HACD1: variants seen among roughly 807,000 people sequenced by gnomAD.
HACD1 encodes the protein very-long-chain (3R)-3-hydroxyacyl-CoA dehydratase 1.
Under a neutral mutation model 32.0 loss-of-function variants are expected in HACD1, and 41 were observed. The observed-to-expected ratio is 1.28, with a 90% CI of 1.00 to 1.66. HACD1 has a LOEUF of 1.66. Ranked by LOEUF, HACD1 falls within the 40% of genes most tolerant of loss-of-function variation. HACD1 has a pLI of 0.00. For synonymous variants in HACD1, 142 were observed against 139.0 expected (o/e 1.02, Z -0.15); for missense variants, 396 against 380.1 (o/e 1.04, Z -0.35).
rs995261814 is a variant in HACD1 at position 17,616,957 on chromosome 10, C to T, written c.257+126G>A. 20 of 1,088,884 alleles carry T rather than the reference C, an allele frequency of 1.8e-5. No individual in the cohort carries two copies. The African/African-American group carries it at 3.0e-4, about 16-fold the overall frequency. The allele number at this position is 1,088,884 out of a possible 1,614,324, so 67.5% of individuals were successfully genotyped here. A position where few individuals can be genotyped will look rare whatever the true frequency, so the allele number is the denominator to read the frequency against. On this transcript the variant is annotated intron_variant, in intron 1 of 6. Coordinates refer to ENST00000361271, the MANE Select transcript of HACD1 (RefSeq NM_014241.4). The stretch of plus-strand genomic sequence containing the variant: ...CCCGGCGGTGGCCGCGGCGACAGCT[C>T]CCTTCCCCCACGGCCGCTGCCCGCA...
chr10:17,611,121 C>A (rs1834229291), intron 1 of HACD1, among the ~76,000 whole-genome samples: 1 of 151,282 alleles, frequency 6.6e-6, no homozygotes, highest in Non-Finnish European at 1.5e-5. Flanking sequence ...CTGCCTCAGT[C>A]TCCCGAGTAG....
chr10:17,594,351 C>A lies in HACD1; in HGVS notation c.638G>T (p.Gly213Val). 1 of 1,547,580 alleles carries A rather than the reference C, an allele frequency of 6.5e-7. No individual in the cohort carries two copies. The highest frequency in any genetic ancestry group is 8.7e-7 in the Non-Finnish European group (1 of 1,147,718). ...YNFFIILYPV[G>V]VAGELLTIYA... The stretch of plus-strand genomic sequence containing the variant: ...TATTGTAAGAAGTTCACCAGCAACT[C>A]CAACAGGATATAAGATGATAAAAAA... The change falls in exon 6 of 7, where the codon GGA becomes GTA. Residue 213 changes from glycine (G) to valine (V), a missense_variant. By Grantham distance (109) the Gly-to-Val change is moderately radical. Coordinates refer to ENST00000361271, the MANE Select transcript of HACD1 (RefSeq NM_014241.4).
At chr10:17,615,714 C>A (rs1359102942) in intron 1 of HACD1, 2 of 343,016 alleles carry the variant, frequency 5.8e-6, no homozygotes, top group Non-Finnish European at 1.2e-5. Context: ...CACCTGTAAT[C>A]CCAGCACATT....
At position 17,603,872 on chromosome 10, in the gene HACD1, CA is replaced by C. The variant is rs782354331; in HGVS notation, c.375+57del. The C allele has an allele frequency of 4.0e-6, 6 of 1,506,788 alleles. No homozygotes were observed. In the African/African-American group the frequency reaches 7.0e-5, roughly 17 times the overall value. The allele number at this position is 1,506,788 out of a possible 1,614,324, so 93.3% of individuals were successfully genotyped here. A position where few individuals can be genotyped will look rare whatever the true frequency, so the allele number is the denominator to read the frequency against. ...GCAAAATCATATTGATTTTGCACAA[CA>C]AAAAATGTTCACATAAATATTACAG... is the stretch of plus-strand genomic sequence containing the variant. On this transcript the variant is annotated intron_variant, in intron 2 of 6. Coordinates refer to ENST00000361271, the MANE Select transcript of HACD1 (RefSeq NM_014241.4).
chr10:17,610,656 T>A (rs1554817427), intron 1 of HACD1, among the ~76,000 whole-genome samples: 2 of 152,070 alleles, frequency 1.3e-5, no homozygotes, highest in Non-Finnish European at 2.9e-5. Flanking sequence ...AGTACAATTT[T>A]AAATAAACCA....
At chr10:17,615,066 T>C (rs1239896589) in intron 1 of HACD1, among the ~76,000 whole-genome samples, 1 of 152,372 alleles carries the variant, frequency 6.6e-6, no homozygotes, top group East Asian at 1.9e-4. Flanking sequence ...AAACGTTTAT[T>C]AACCAGACTA....
chr10:17,613,852 A>G (rs1197195534), intron 1 of HACD1, among the ~76,000 whole-genome samples: 3 of 152,176 alleles, frequency 2.0e-5, no homozygotes, highest in Non-Finnish European at 4.4e-5. Context: ...AAAGTGAAAA[A>G]CCTGAGCACA....
chr10:17,609,136 GA>G (rs1333630987), intron 1 of HACD1, among the ~76,000 whole-genome samples: 1 of 140,232 alleles, frequency 7.1e-6, no homozygotes, highest in Non-Finnish European at 1.5e-5. Flanking sequence ...GCCCATTAAA[GA>G]AAAAAAATGT....
At chr10:17,598,174 C>T (rs375959770) in intron 5 of HACD1, among the ~76,000 whole-genome samples, 8 of 146,802 alleles carry the variant, frequency 5.4e-5, no homozygotes, top group East Asian at 2.0e-4. Flanking sequence ...GCAGGAGAAT[C>T]GCTTGAGCCC....
chr10:17,592,534 A>T (rs1245423922), intron 6 of HACD1, among the ~76,000 whole-genome samples: 1 of 152,124 alleles, frequency 6.6e-6, no homozygotes, highest in Non-Finnish European at 1.5e-5. Context: ...AGCTGGCAGC[A>T]TGGTGAACTG....
chr10:17,590,884 A>G (rs774679879), intron 6 of HACD1, among the ~76,000 whole-genome samples: 17 of 152,162 alleles, frequency 1.1e-4, no homozygotes, highest in Non-Finnish European at 2.1e-4. Flanking sequence ...CAGGTTGGTC[A>G]GCCTGGTCTT....
At chr10:17,605,816 T>C (rs1554817000) in intron 1 of HACD1, among the ~76,000 whole-genome samples, 1 of 151,838 alleles carries the variant, frequency 6.6e-6, no homozygotes, top group African/African-American at 2.4e-5. Flanking sequence ...TAGCCGGGTG[T>C]GCCGGTGGGC....
At chr10:17,606,375 A>T (rs1289904067) in intron 1 of HACD1, among the ~76,000 whole-genome samples, 1 of 152,134 alleles carries the variant, frequency 6.6e-6, no homozygotes, top group Non-Finnish European at 1.5e-5. Flanking sequence ...ATTTTTTTCC[A>T]GTTTCCCCTG....
At chr10:17,607,405 A>G (rs1418913846) in intron 1 of HACD1, among the ~76,000 whole-genome samples, 4 of 152,156 alleles carry the variant, frequency 2.6e-5, no homozygotes, top group Non-Finnish European at 5.9e-5. Flanking sequence ...ACCTTCCACA[A>G]CTAAAGTATT....
chr10:17,594,759 C>T (rs1417495838), intron 5 of HACD1, among the ~76,000 whole-genome samples: 3 of 152,132 alleles, frequency 2.0e-5, no homozygotes, highest in Admixed American at 6.5e-5. Flanking sequence ...GCAACCTCCA[C>T]CTCCTGGGTT....
chr10:17,603,499 A>C, intron 4 of HACD1, 61 bp downstream of exon 4: 1 of 1,388,804 alleles, frequency 7.2e-7, no homozygotes, highest in Non-Finnish European at 1.0e-6. Context: ...AATATTTTAG[A>C]TTCCTATGAA....
chr10:17,604,732 G>T (rs927395070), intron 1 of HACD1, among the ~76,000 whole-genome samples: 33 of 152,060 alleles, frequency 2.2e-4, no homozygotes, highest in African/African-American at 7.7e-4. Context: ...TTGAGACAGG[G>T]TCTCGCTCTG....
In HACD1 at chr10:17,590,195, T is replaced by C. The variant is rs12774558; in HGVS notation, c.*169A>G. On this transcript the variant is annotated 3_prime_UTR_variant, in exon 7 of 7. Transcript: ENST00000361271. Reference sequence around the variant, plus strand: ...TTGCACAGTTCTTGTAAAAAATAGATCTGGCACAAGAGGAACACAAATACT... The same window carrying C: ...TTGCACAGTTCTTGTAAAAAATAGACCTGGCACAAGAGGAACACAAATACT... 2.3e-6 allele frequency: 1 copy of C among 433,602 alleles called. No homozygotes were observed. The highest frequency in any genetic ancestry group is 4.1e-6 in the Non-Finnish European group (1 of 244,440). 26.9% of individuals were successfully genotyped at this position (433,602 alleles called of 1,614,324 possible). A position where few individuals can be genotyped will look rare whatever the true frequency, so the allele number is the denominator to read the frequency against.
intron 1 of HACD1, among the ~76,000 whole-genome samples, chr10:17,605,532 A>AGG (rs1834134301): frequency 6.6e-6 from 1 of 151,592 alleles, no homozygotes; most frequent in African/African-American, 2.4e-5. Context: ...CTCGGGAAAA[A>AGG]AAAAAAAAAA....
Sources: gnomAD v4.1 joint callset for allele counts (sites outside exome capture counted in the v4.1 genomes callset) on GRCh38, gnomAD v4.1.1 for gene constraint, MANE v1.5 for transcripts, NCBI Gene and HGNC (gene_info 2026-07-23, HGNC 2026-07-21) for gene names.